OSBPL1A: variants seen among roughly 807,000 people sequenced by gnomAD.
OSBPL1A encodes the protein oxysterol binding protein like 1A, also known as oxysterol-binding protein-related protein 1.
OSBPL1A carries 80 observed loss-of-function variants against 137.1 expected under a neutral mutation model. The observed-to-expected ratio is 0.58, with a 90% CI of 0.49 to 0.70. The LOEUF is 0.70. OSBPL1A is among the 30% of genes least tolerant of loss of function. The pLI, the probability that OSBPL1A is intolerant of heterozygous loss-of-function variation, is 0.00. For missense variants in OSBPL1A, 970 were observed against 1,129.4 expected (o/e 0.86, Z 2.02); for synonymous variants, 365 against 389.7 (o/e 0.94, Z 0.75).
chr18:24,358,601 C>A, intron 4 of OSBPL1A: 1 of 688,550 alleles, frequency 1.5e-6, no homozygotes, highest in Non-Finnish European at 2.6e-6. Flanking sequence ...TCGCCTGAAA[C>A]ACAGTAGGCC....
At chr18:24,227,489 C>T (rs1272384328) in intron 16 of OSBPL1A, among the ~76,000 whole-genome samples, 1 of 152,082 alleles carries the variant, frequency 6.6e-6, no homozygotes, top group Non-Finnish European at 1.5e-5. Flanking sequence ...GAAGAAAGGC[C>T]AGTCTGGTTC....
At chr18:24,313,653 T>C (rs934069870) in intron 12 of OSBPL1A, among the ~76,000 whole-genome samples, 8 of 152,264 alleles carry the variant, frequency 5.3e-5, no homozygotes, top group African/African-American at 1.9e-4. Context: ...TTTCCTCACC[T>C]ATAAGTTAAG....
At position 24,369,567 on chromosome 18, in the gene OSBPL1A, C is replaced by G. The variant is rs184083005; in HGVS notation, c.122-1195G>C. 2.6e-5 allele frequency among the ~76,000 whole-genome samples: 4 copies of G among 152,286 alleles called. No individual in the cohort carries two copies. In the East Asian group the frequency reaches 7.7e-4, roughly 29 times the overall value. On this transcript the variant is annotated intron_variant, in intron 2 of 27. Coordinates refer to ENST00000319481, the MANE Select transcript of OSBPL1A (RefSeq NM_080597.4). Reference sequence around the variant, plus strand: ...CCTCACTTACATGATACACTGCCCTCAGCTCCTGGATTCCAGGATCTGAAC... The same window carrying G: ...CCTCACTTACATGATACACTGCCCTGAGCTCCTGGATTCCAGGATCTGAAC...
intron 5 of OSBPL1A, among the ~76,000 whole-genome samples, chr18:24,338,497 GTCAT>G (rs1320715255): frequency 6.6e-6 from 1 of 152,024 alleles, no homozygotes; most frequent in Admixed American, 6.6e-5. Flanking sequence ...GGCAATCCAA[GTCAT>G]TATTTCTATA....
chr18:24,179,873 G>A lies in OSBPL1A; in HGVS notation c.1813-38C>T, dbSNP rs772492991. 8.5e-6 allele frequency: 13 copies of A among 1,534,016 alleles called. No homozygotes were observed. The Admixed American group carries it at 1.2e-4, about 14-fold the overall frequency. On this transcript the variant is annotated intron_variant, in intron 19 of 27. Coordinates refer to ENST00000319481, the MANE Select transcript of OSBPL1A (RefSeq NM_080597.4). ...GCATGAGAACAAGTCAAAAATAGCC[G>A]AGCTCGCTCCGCATTCTTTTAGGAA...
At chr18:24,263,958 T>C (rs964086593) in intron 15 of OSBPL1A, among the ~76,000 whole-genome samples, 8 of 152,162 alleles carry the variant, frequency 5.3e-5, no homozygotes, top group African/African-American at 1.9e-4. Flanking sequence ...TTTTAACAAC[T>C]ATTTACTTAA....
chr18:24,230,910 C>T (rs1178737549), intron 16 of OSBPL1A, among the ~76,000 whole-genome samples: 1 of 152,106 alleles, frequency 6.6e-6, no homozygotes, highest in African/African-American at 2.4e-5. Context: ...TTACTCCCAT[C>T]TAGTTCCAAA....
intron 1 of OSBPL1A, among the ~76,000 whole-genome samples, chr18:24,390,521 C>T (rs1374642046): frequency 1.3e-5 from 2 of 150,718 alleles, no homozygotes; most frequent in Non-Finnish European, 3.0e-5. Context: ...CCACGGAAAC[C>T]CCACCTCTAT....
intron 15 of OSBPL1A, among the ~76,000 whole-genome samples, chr18:24,248,883 T>C (rs1370632315): frequency 6.6e-6 from 1 of 152,232 alleles, no homozygotes; most frequent in African/African-American, 2.4e-5. Context: ...ATAAAATCAA[T>C]GGAAGACTAG....
chr18:24,271,423 G>C lies in OSBPL1A; in HGVS notation c.1281+9419C>G. ...GGCAGGGAGACCCGCACTGGGAAGA[G>C]AGCAGGGTCTCCCGGCTGGTGCGCC... On this transcript the variant is annotated intron_variant, in intron 15 of 27. Transcript: ENST00000319481. This position sits in a 1 kb window ranked among gnomAD's most constrained non-coding sequence, Gnocchi z 4.0. 2.6e-6 allele frequency: 1 copy of C among 380,512 alleles called. No homozygotes were observed. The highest frequency in any genetic ancestry group is 3.6e-6 in the Non-Finnish European group (1 of 276,926). The allele number at this position is 380,512 out of a possible 1,614,324, so 23.6% of individuals were successfully genotyped here.
At chr18:24,277,451 T>G (rs2089868103) in intron 15 of OSBPL1A, among the ~76,000 whole-genome samples, 1 of 152,216 alleles carries the variant, frequency 6.6e-6, no homozygotes, top group Admixed American at 6.5e-5. Context: ...CCCTGTTTCG[T>G]GCCAGTCCCT....
At chr18:24,381,712 C>A (rs1217323782) in intron 1 of OSBPL1A, among the ~76,000 whole-genome samples, 1 of 152,130 alleles carries the variant, frequency 6.6e-6, no homozygotes, top group Non-Finnish European at 1.5e-5. Flanking sequence ...AATCCCAGCA[C>A]TTTGGGAGGC....
rs1232846731 is a variant in OSBPL1A, at chr18:24,208,222, A to T, written c.1602-12022T>A. Among the ~76,000 whole-genome samples, 130 of 148,190 alleles carry T rather than the reference A, an allele frequency of 8.8e-4. 1 individual carries two copies. The highest frequency in any genetic ancestry group is 8.4e-3 in the Admixed American group (127 of 15,056). On this transcript the variant is annotated intron_variant, in intron 17 of 27. Coordinates refer to ENST00000319481, the MANE Select transcript of OSBPL1A (RefSeq NM_080597.4). ...AGTAATTAGATTTTAAAATTATGTTAGAGAGTAAATTACTGTAGTAATTAA... is the reference window on the plus strand; with the variant it reads ...AGTAATTAGATTTTAAAATTATGTTTGAGAGTAAATTACTGTAGTAATTAA...
intron 1 of OSBPL1A, among the ~76,000 whole-genome samples, chr18:24,390,137 C>T (rs1472000148): frequency 6.6e-6 from 1 of 152,090 alleles, no homozygotes; most frequent in South Asian, 2.1e-4. Context: ...CATCCAGGCT[C>T]AATTCACCTA....
chr18:24,225,472 T>C (rs1261445216), intron 16 of OSBPL1A, among the ~76,000 whole-genome samples: 1 of 152,204 alleles, frequency 6.6e-6, no homozygotes, highest in African/African-American at 2.4e-5. Context: ...ACTCAGTTCT[T>C]TACGAAATCA....
chr18:24,376,117 T>C (rs1272535053), intron 2 of OSBPL1A, among the ~76,000 whole-genome samples: 1 of 152,212 alleles, frequency 6.6e-6, no homozygotes, highest in Non-Finnish European at 1.5e-5. Context: ...GGAAGGGGAC[T>C]CCAGCGAGTT....
chr18:24,346,956 C>T (rs115909963), intron 4 of OSBPL1A, among the ~76,000 whole-genome samples: 1,783 of 146,764 alleles, frequency 0.012, 36 homozygotes, highest in African/African-American at 0.041. Flanking sequence ...TGCTATGTTT[C>T]CCAGGCTGAC....
At chr18:24,356,050 C>T (rs908772238) in intron 4 of OSBPL1A, among the ~76,000 whole-genome samples, 5 of 151,358 alleles carry the variant, frequency 3.3e-5, no homozygotes, top group East Asian at 3.9e-4. Context: ...GTGGCACACA[C>T]CTGTAATCCC....
chr18:24,361,937 C>A (rs2091626526), intron 4 of OSBPL1A, among the ~76,000 whole-genome samples: 1 of 141,076 alleles, frequency 7.1e-6, no homozygotes, highest in Admixed American at 7.6e-5. Context: ...GCGGAGATTG[C>A]AGTGAAGTGA....
Sources: gnomAD v4.1 joint callset for allele counts (sites outside exome capture counted in the v4.1 genomes callset) on GRCh38, gnomAD v4.1.1 for gene constraint, Gnocchi (gnomAD v3.1) non-coding constraint, MANE v1.5 for transcripts, NCBI Gene and HGNC (gene_info 2026-07-23, HGNC 2026-07-21) for gene names.